WASF3: variants seen among roughly 807,000 people sequenced by gnomAD.
WASF3 encodes the protein WASP family member 3.
A neutral mutation model predicts 46.6 loss-of-function variants in WASF3; 11 were observed. The observed-to-expected ratio is 0.24, with a 90% CI of 0.15 to 0.39. The LOEUF (loss-of-function observed/expected upper bound fraction) is 0.39. Ranked by LOEUF, WASF3 falls within the 10% of genes least tolerant of loss-of-function variation. WASF3 has a pLI of 1.00. For synonymous variants in WASF3, 242 were observed against 259.7 expected (o/e 0.93, Z 0.65); for missense variants, 576 against 669.8 (o/e 0.86, Z 1.55).
At chr13:26,572,985 T>C (rs542318958) in intron 1 of WASF3, among the ~76,000 whole-genome samples, 1 of 152,360 alleles carries the variant, frequency 6.6e-6, no homozygotes, top group East Asian at 1.9e-4. Context: ...GTTATTAATA[T>C]TACACTTGAT....
chr13:26,610,301 C>T (rs984176601), intron 1 of WASF3, among the ~76,000 whole-genome samples: 6 of 152,224 alleles, frequency 3.9e-5, no homozygotes, highest in Non-Finnish European at 7.3e-5. Context: ...GCCGTTGCCC[C>T]TCCAGCTGTA....
At chr13:26,666,138 A>G (rs1882763689) in intron 4 of WASF3, among the ~76,000 whole-genome samples, 1 of 152,218 alleles carries the variant, frequency 6.6e-6, no homozygotes, top group African/African-American at 2.4e-5. Flanking sequence ...TATAACAAAA[A>G]TGTAAAACAT....
At chr13:26,670,351 T>C (rs1004144927) in intron 5 of WASF3, among the ~76,000 whole-genome samples, 3 of 149,020 alleles carry the variant, frequency 2.0e-5, no homozygotes, top group African/African-American at 7.5e-5. Flanking sequence ...TGTTGGGGGG[T>C]GAGGGACAAG....
rs776241773 is a variant in WASF3 at position 26,665,048 on chromosome 13, T to G, written c.154T>G (p.Phe52Val). The change falls in exon 4 of 10, where the codon TTT becomes GTT. Residue 52 changes from phenylalanine (F) to valine (V), a missense_variant. This residue lies in a region of WASF3 where 213 missense variants were observed against 278.0 expected (regional missense o/e 0.77). Coordinates refer to ENST00000335327, the MANE Select transcript of WASF3 (RefSeq NM_006646.6). ...SSLSKHAEDI[F>V]GELFNEANNF... ...TACAGGCAAACATGCTGAAGACATATTTGGTGAGTTGTTTAATGAGGCTAA... is the reference window on the plus strand; with the variant it reads ...TACAGGCAAACATGCTGAAGACATAGTTGGTGAGTTGTTTAATGAGGCTAA... The G allele has an allele frequency of 6.2e-7, 1 of 1,614,098 alleles. No homozygotes were observed. Among genetic ancestry groups the G allele is most frequent in the South Asian group, 1.1e-5 (1 of 91,076 alleles).
chr13:26,609,178 A>G (rs1880895519), intron 1 of WASF3, among the ~76,000 whole-genome samples: 1 of 152,204 alleles, frequency 6.6e-6, no homozygotes, highest in East Asian at 1.9e-4. Flanking sequence ...ATGTAGCAGA[A>G]TTCTTTATTT....
At chr13:26,548,285 C>T in the WASF3 span, among the ~76,000 whole-genome samples, 1 of 152,192 alleles carries the variant, frequency 6.6e-6, no homozygotes, top group African/African-American at 2.4e-5. Context: ...TTCCCAGAAG[C>T]TTGAAACCTT....
chr13:26,564,841 T>G (rs1879407567), intron 1 of WASF3, among the ~76,000 whole-genome samples: 1 of 151,920 alleles, frequency 6.6e-6, no homozygotes, highest in South Asian at 2.1e-4. Context: ...TGAGCCATGT[T>G]GCTCTACTAC....
chr13:26,647,772 A>G lies in WASF3; in HGVS notation c.133+5369A>G, dbSNP rs962226932. Among the ~76,000 whole-genome samples, 7 of 152,170 alleles carry G rather than the reference A, an allele frequency of 4.6e-5. No individual in the cohort carries two copies. In the East Asian group the frequency reaches 1.3e-3, roughly 29 times the overall value. Reference sequence around the variant, plus strand: ...ATTTAGTGAGCCCTGCCGAAAAAAAAAAATTTGGCGACATTAATGGTACTA... The same window carrying G: ...ATTTAGTGAGCCCTGCCGAAAAAAAGAAATTTGGCGACATTAATGGTACTA... On this transcript the variant is annotated intron_variant, in intron 3 of 9. Transcript: ENST00000335327.
intron 2 of WASF3, among the ~76,000 whole-genome samples, chr13:26,627,270 T>C (rs1432347722): frequency 2.3e-5 from 1 of 44,120 alleles, no homozygotes; most frequent in African/African-American, 5.5e-5. Context: ...TATACTATAC[T>C]TTTTTTTTTA....
rs1296978057 is a variant in WASF3 at position 26,687,906 on chromosome 13, G to A, written c.*2061G>A. On this transcript the variant is annotated 3_prime_UTR_variant, in exon 10 of 10. Coordinates refer to ENST00000335327, the MANE Select transcript of WASF3 (RefSeq NM_006646.6). ...TTTTTTATGGCCCTTCTGTTCTCAG[G>A]ATGGAGAGAACACAGAAGCTACTAT... 6.6e-6 allele frequency: 1 copy of A among 151,962 alleles called. No individual in the cohort carries two copies. Among genetic ancestry groups the A allele is most frequent in the Non-Finnish European group, 1.5e-5 (1 of 68,008 alleles). The allele number at this position is 151,962 out of a possible 1,614,324, so 9.4% of individuals were successfully genotyped here.
In WASF3 at chr13:26,679,777, A is replaced by T. The variant is rs1016573580; in HGVS notation, c.717-1277A>T. Among the ~76,000 whole-genome samples the T allele has an allele frequency of 6.6e-6, 1 of 152,234 alleles. No individual in the cohort carries two copies. The highest frequency in any genetic ancestry group is 1.5e-5 in the Non-Finnish European group (1 of 68,042). The stretch of plus-strand genomic sequence containing the variant: ...GCTAGCAGCTCACCTAGTTCAAAAG[A>T]CATAATCAGAAGTGCACCATAATCC... On this transcript the variant is annotated intron_variant, in intron 7 of 9. Transcript: ENST00000335327. This position sits in a 1 kb window ranked among gnomAD's most constrained non-coding sequence, Gnocchi z 4.8.
chr13:26,566,086 A>G (rs752214478), intron 1 of WASF3, among the ~76,000 whole-genome samples: 5 of 152,154 alleles, frequency 3.3e-5, no homozygotes, highest in Admixed American at 2.0e-4. Context: ...TTGTGGTTTT[A>G]TTTCTTAGGC....
chr13:26,685,799 A>G lies in WASF3; in HGVS notation c.1463A>G (p.Asp488Gly). The G allele has an allele frequency of 6.2e-7, 1 of 1,613,958 alleles. No homozygotes were observed. Among genetic ancestry groups the G allele is most frequent in the African/African-American group, 1.3e-5 (1 of 74,992 alleles). Residue 488 changes from aspartate to glycine, a missense_variant, in exon 10 of 10, where the codon GAC (aspartate) becomes GGC (glycine). Physicochemically the swap from Asp to Gly is moderately conservative, Grantham distance 94 (BLOSUM62 -1). Coordinates refer to ENST00000335327, the MANE Select transcript of WASF3 (RefSeq NM_006646.6). ...CGGCGCATTGCCGTGGAGTACAGCG[A>G]CTCTGACGACGACTCAGAGTTCGAC... ...LSRRIAVEYS[D>G]SDDDSEFDEN... is the part of the protein sequence containing the mutation.
intron 1 of WASF3, among the ~76,000 whole-genome samples, chr13:26,601,362 G>T (rs955208709): frequency 1.7e-4 from 26 of 151,436 alleles, no homozygotes; most frequent in African/African-American, 6.1e-4. Context: ...AGTTTACTTT[G>T]TATGTGGAGT....
chr13:26,590,228 GC>G (rs145930293), intron 1 of WASF3, among the ~76,000 whole-genome samples: 7 of 151,786 alleles, frequency 4.6e-5, no homozygotes, highest in Admixed American at 6.6e-5. Context: ...CTGCTGAGAG[GC>G]CCCCCCAACA....
At chr13:26,567,953 G>A (rs1483610156) in intron 1 of WASF3, among the ~76,000 whole-genome samples, 1 of 152,096 alleles carries the variant, frequency 6.6e-6, no homozygotes, top group African/African-American at 2.4e-5. Context: ...AAGTGAAGGA[G>A]TGAACCAGCT....
At chr13:26,589,763 C>T (rs1351568375) in intron 1 of WASF3, among the ~76,000 whole-genome samples, 1 of 152,076 alleles carries the variant, frequency 6.6e-6, no homozygotes, top group African/African-American at 2.4e-5. Flanking sequence ...TACCTTCTGC[C>T]TCTGAGGGAA....
chr13:26,656,544 A>AT (rs1882471850), intron 3 of WASF3, among the ~76,000 whole-genome samples: 1 of 152,182 alleles, frequency 6.6e-6, no homozygotes, highest in African/African-American at 2.4e-5. Context: ...CCTACAATAA[A>AT]TAACAAAATT....
chr13:26,613,431 T>C (rs888363824), intron 2 of WASF3, among the ~76,000 whole-genome samples: 1 of 152,154 alleles, frequency 6.6e-6, no homozygotes, highest in Non-Finnish European at 1.5e-5. Context: ...ATCTGAATCT[T>C]TCTAGTAATG....
Sources: allele counts gnomAD v4.1 joint callset (sites outside exome capture counted in the v4.1 genomes callset), GRCh38; gene constraint gnomAD v4.1.1; regional missense constraint gnomAD v4.1.1; non-coding constraint Gnocchi (gnomAD v3.1); transcripts MANE v1.5; gene names NCBI Gene and HGNC (gene_info 2026-07-23, HGNC 2026-07-21).